Variants in RORA observed in about 807,000 individuals in gnomAD.
RORA encodes RAR related orphan receptor A.
RORA carries 7 observed loss-of-function variants against 69.5 expected under a neutral mutation model. The observed-to-expected ratio is 0.10, with a 90% CI of 0.06 to 0.19. The LOEUF (loss-of-function observed/expected upper bound fraction) is 0.19. RORA is among the 10% of genes least tolerant of loss of function. RORA has a pLI of 1.00. For missense variants in RORA, 457 were observed against 663.0 expected, an observed-to-expected ratio of 0.69 and a Z score of 3.41; for synonymous variants, 261 against 240.8, an observed-to-expected ratio of 1.08 and a Z score of -0.78.
Position 60,516,021 on chromosome 15 carries a change from T to TTATATATTTA in RORA, c.283-1274_283-1265dup, listed in dbSNP as rs1567051402. Among the ~76,000 whole-genome samples, 74 of 11,728 alleles carry TTATATATTTA rather than the reference T, an allele frequency of 6.3e-3. 4 individuals carry two copies. Among genetic ancestry groups the TTATATATTTA allele is most frequent in the Admixed American group, 0.016 (10 of 622 alleles). The allele number at this position is 11,728 out of a possible 152,430, so 7.7% of individuals were successfully genotyped here. On this transcript the variant is annotated intron_variant, in intron 3 of 10. Transcript: ENST00000335670. ...TATATTTATATATATTTATATATAT[T>TTATATATTTA]TATATATTTATATATATTTATATAT...
intron 1 of RORA, among the ~76,000 whole-genome samples, chr15:60,877,430 T>A (rs553297271): frequency 0.012 from 1,775 of 152,334 alleles, 21 homozygotes; most frequent in Non-Finnish European, 0.019. Context: ...CTTATGACTT[T>A]TTTTGGACAC....
chr15:60,775,838 T>C (rs1376769232), intron 1 of RORA, among the ~76,000 whole-genome samples: 1 of 152,214 alleles, frequency 6.6e-6, no homozygotes, highest in African/African-American at 2.4e-5. Flanking sequence ...CATAGAAGAA[T>C]TGTCTTGTGA....
intron 1 of RORA, among the ~76,000 whole-genome samples, chr15:61,177,529 C>A (rs1260965971): frequency 4.6e-5 from 7 of 152,092 alleles, no homozygotes; most frequent in Non-Finnish European, 1.5e-5. Context: ...AGCACCAGGG[C>A]CCAGCTTCCA....
intron 1 of RORA, among the ~76,000 whole-genome samples, chr15:60,881,400 G>T (rs1459469085): frequency 2.0e-5 from 3 of 152,242 alleles, no homozygotes; most frequent in African/African-American, 7.2e-5. Context: ...CCCAAAGGGA[G>T]ATTCAATATA....
At chr15:61,206,010 C>T (rs914299932) in intron 1 of RORA, among the ~76,000 whole-genome samples, 2 of 152,170 alleles carry the variant, frequency 1.3e-5, no homozygotes, top group Non-Finnish European at 2.9e-5. Flanking sequence ...ATAATTCTTG[C>T]TTCCTAAAGA....
chr15:60,550,411 A>G (rs896968140), intron 2 of RORA, among the ~76,000 whole-genome samples: 1 of 152,260 alleles, frequency 6.6e-6, no homozygotes, highest in South Asian at 2.1e-4. Flanking sequence ...CTCAAAAAAT[A>G]ATATTTAAAG....
chr15:60,713,455 A>G (rs945945779), intron 1 of RORA, among the ~76,000 whole-genome samples: 2 of 152,190 alleles, frequency 1.3e-5, no homozygotes, highest in Non-Finnish European at 2.9e-5. Flanking sequence ...GAGAACACTG[A>G]ATGGATATTT....
At chr15:60,803,703 T>C (rs2072619651) in intron 1 of RORA, among the ~76,000 whole-genome samples, 1 of 152,200 alleles carries the variant, frequency 6.6e-6, no homozygotes, top group African/African-American at 2.4e-5. Flanking sequence ...TCTGGCATTC[T>C]GTGACTCTCT....
intron 2 of RORA, among the ~76,000 whole-genome samples, chr15:60,597,865 A>G (rs2068732230): frequency 6.6e-6 from 1 of 150,706 alleles, no homozygotes; most frequent in Non-Finnish European, 1.5e-5. Context: ...ATCATTCCCC[A>G]TCCACTTTTC....
In RORA at chr15:60,493,076, A is replaced by T. The variant is rs1014957290; in HGVS notation, c.*4379T>A. On this transcript the variant is annotated 3_prime_UTR_variant, in exon 11 of 11. Coordinates refer to ENST00000335670, the MANE Select transcript of RORA (RefSeq NM_134261.3). ...ACCAAGATGGATTGTCATTCACAGTAAGTCAATTATAAGGTGCTTATTTAC... is the reference window on the plus strand; with the variant it reads ...ACCAAGATGGATTGTCATTCACAGTTAGTCAATTATAAGGTGCTTATTTAC... The T allele has an allele frequency of 6.6e-6, 1 of 152,136 alleles. No homozygotes were observed. 9.4% of individuals were successfully genotyped at this position (152,136 alleles called of 1,614,324 possible).
chr15:60,934,467 TTTGTTG>T lies in RORA; in HGVS notation c.167-255787_167-255782del, dbSNP rs59877483. ...GTAGCTCTGGGATAAGGCCCAAGAG[TTTGTTG>T]TTGTTGTTGTTGTTGTTGTTGTTGT... On this transcript the variant is annotated intron_variant, in intron 1 of 10. Transcript: ENST00000335670. Among the ~76,000 whole-genome samples the T allele has an allele frequency of 8.4e-3, 1,236 of 146,976 alleles. 15 individuals carry two copies. The highest frequency in any genetic ancestry group is 0.035 in the East Asian group (178 of 5,070).
chr15:61,167,783 G>A (rs191451232), intron 1 of RORA, among the ~76,000 whole-genome samples: 196 of 152,252 alleles, frequency 1.3e-3, no homozygotes, highest in Non-Finnish European at 2.2e-3. Flanking sequence ...CTGTAGAACC[G>A]AAATCTTTTA....
chr15:60,656,856 CTCTAAGAT>C (rs1192446281), intron 2 of RORA, among the ~76,000 whole-genome samples: 2 of 152,180 alleles, frequency 1.3e-5, no homozygotes, highest in African/African-American at 4.8e-5. Flanking sequence ...TGGTGGCTTG[CTCTAAGAT>C]AAAAATACCA....
At chr15:61,098,774 G>A (rs1002990820) in intron 1 of RORA, among the ~76,000 whole-genome samples, 3 of 152,170 alleles carry the variant, frequency 2.0e-5, no homozygotes, top group African/African-American at 7.2e-5. Context: ...CCTTTGCTTT[G>A]CTTTAAAGTG....
At chr15:60,856,227 T>G (rs1309569277) in intron 1 of RORA, among the ~76,000 whole-genome samples, 1 of 152,234 alleles carries the variant, frequency 6.6e-6, no homozygotes, top group Non-Finnish European at 1.5e-5. Flanking sequence ...ACTATCTTCT[T>G]GGCATATTTG....
chr15:60,841,147 C>G, intron 1 of RORA: 1 of 891,656 alleles, frequency 1.1e-6, no homozygotes, highest in Non-Finnish European at 1.3e-6. Flanking sequence ...TTTCTCTCCA[C>G]GCCATCCCAC....
At chr15:61,060,408 G>A (rs2078166712) in intron 1 of RORA, among the ~76,000 whole-genome samples, 2 of 152,138 alleles carry the variant, frequency 1.3e-5, no homozygotes, top group Admixed American at 1.3e-4. Flanking sequence ...GGTTTCAGGT[G>A]GCTGTCATGA....
At chr15:60,551,092 CAATTAAGAAATA>C (rs1394736649) in intron 2 of RORA, among the ~76,000 whole-genome samples, 1 of 151,810 alleles carries the variant, frequency 6.6e-6, no homozygotes, top group African/African-American at 2.4e-5. Context: ...AGAGTGAAAT[CAATTAAGAAATA>C]ACTATAGCTA....
intron 1 of RORA, among the ~76,000 whole-genome samples, chr15:60,741,566 G>A (rs994355672): frequency 6.6e-6 from 1 of 152,216 alleles, no homozygotes; most frequent in African/African-American, 2.4e-5. Context: ...GGCAGAGACT[G>A]CTGTTGGCTC....
Sources: gnomAD v4.1 joint callset for allele counts (sites outside exome capture counted in the v4.1 genomes callset) on GRCh38, gnomAD v4.1.1 for gene constraint, MANE v1.5 for transcripts, NCBI Gene and HGNC (gene_info 2026-07-23, HGNC 2026-07-21) for gene names.